The following RAP1GAP2 variants were observed in gnomAD, a reference collection of about 807,000 sequenced individuals.
The protein encoded by RAP1GAP2 is RAP1 GTPase activating protein 2.
In RAP1GAP2, 27 loss-of-function variants were observed where a neutral mutation model predicts 95.0. The observed-to-expected ratio is 0.28, with a 90% CI of 0.21 to 0.39. The LOEUF (loss-of-function observed/expected upper bound fraction) is 0.39, where lower values mean the gene tolerates loss of function less well. Ranked by LOEUF, RAP1GAP2 falls within the 10% of genes least tolerant of loss-of-function variation. The probability of loss-of-function intolerance (pLI) is 1.00; values close to 1 mark genes in which losing one functional copy is unlikely to be tolerated. For synonymous variants in RAP1GAP2, 373 were observed against 380.9 expected (o/e 0.98, Z 0.24); for missense variants, 771 against 970.0 (o/e 0.79, Z 2.72).
chr17:2,885,126 C>G (rs999647658), intron 2 of RAP1GAP2, among the ~76,000 whole-genome samples: 15 of 151,392 alleles, frequency 9.9e-5, no homozygotes, highest in Non-Finnish European at 2.9e-5. Flanking sequence ...CTCCGCCTCC[C>G]AGGTTCAAGT....
chr17:2,982,589 G>A (rs895825063), intron 10 of RAP1GAP2, among the ~76,000 whole-genome samples: 1 of 152,156 alleles, frequency 6.6e-6, no homozygotes, highest in Non-Finnish European at 1.5e-5. Flanking sequence ...AGCATCTGTT[G>A]ATACCAGGAG....
chr17:2,841,682 T>C (rs1019110498), intron 2 of RAP1GAP2, among the ~76,000 whole-genome samples: 1 of 152,124 alleles, frequency 6.6e-6, no homozygotes, highest in South Asian at 2.1e-4. Context: ...GGCAGGAAGA[T>C]GTTGAGAGTA....
intron 1 of RAP1GAP2, among the ~76,000 whole-genome samples, chr17:2,780,134 T>C (rs562115496): frequency 6.6e-6 from 1 of 152,248 alleles, no homozygotes; most frequent in African/African-American, 2.4e-5. Flanking sequence ...CACCGCAACC[T>C]CCGCCTCCTG....
chr17:2,910,430 C>CTCAG (rs1238317859), intron 3 of RAP1GAP2, among the ~76,000 whole-genome samples: 2 of 152,276 alleles, frequency 1.3e-5, no homozygotes, highest in Non-Finnish European at 2.9e-5. Context: ...CAGAGACGCC[C>CTCAG]TGGATGGAGG....
At chr17:2,822,395 G>A (rs1290045654) in intron 2 of RAP1GAP2, among the ~76,000 whole-genome samples, 1 of 152,212 alleles carries the variant, frequency 6.6e-6, no homozygotes, top group African/African-American at 2.4e-5. Flanking sequence ...GCTGAGGCCA[G>A]AGGATCACTT....
chr17:3,011,495 A>G (rs565587985), intron 17 of RAP1GAP2, among the ~76,000 whole-genome samples: 4 of 152,204 alleles, frequency 2.6e-5, no homozygotes, highest in Admixed American at 2.6e-4. Context: ...TGCTGTGTCA[A>G]CAGGACGTTG....
At chr17:2,799,275 A>G (rs538418613) in intron 1 of RAP1GAP2, among the ~76,000 whole-genome samples, 10 of 152,152 alleles carry the variant, frequency 6.6e-5, no homozygotes, top group Non-Finnish European at 1.5e-4. Flanking sequence ...CAGTAGTGGA[A>G]GCCCTAAGGA....
At chr17:2,919,314 C>T (rs946579897) in intron 3 of RAP1GAP2, among the ~76,000 whole-genome samples, 1 of 152,174 alleles carries the variant, frequency 6.6e-6, no homozygotes, top group Non-Finnish European at 1.5e-5. Flanking sequence ...AAACAGGGGT[C>T]TCCAGGGTGG....
At chr17:2,969,163 T>TTATCTATC (rs756995427) in intron 8 of RAP1GAP2, among the ~76,000 whole-genome samples, 2,378 of 146,646 alleles carry the variant, frequency 0.016, 61 homozygotes, top group African/African-American at 0.049. Context: ...ATATTTTTCT[T>TTATCTATC]TATCTATCTA....
chr17:2,939,018 A>G (rs894279956), intron 3 of RAP1GAP2, among the ~76,000 whole-genome samples: 4 of 152,316 alleles, frequency 2.6e-5, no homozygotes, highest in Admixed American at 2.6e-4. Context: ...AAAATGCTTC[A>G]GGCTGTTCCT....
At chr17:2,774,757 T>C (rs1274283208), upstream of RAP1GAP2, among the ~76,000 whole-genome samples, 1 of 150,454 alleles carries the variant, frequency 6.6e-6, no homozygotes, top group East Asian at 2.0e-4. Flanking sequence ...AGGTGTGAGC[T>C]ACCATGCCCA....
intron 9 of RAP1GAP2, 59 bp from the exon 10 acceptor site, chr17:2,981,136 G>A (rs2151537011): frequency 8.6e-6 from 13 of 1,516,022 alleles, no homozygotes; most frequent in Middle Eastern, 1.7e-4. Flanking sequence ...GTGGGCAGAG[G>A]AGCCCAGATG....
intron 3 of RAP1GAP2, among the ~76,000 whole-genome samples, chr17:2,941,129 C>T (rs1296033746): frequency 1.3e-5 from 2 of 152,178 alleles, no homozygotes; most frequent in African/African-American, 4.8e-5. Context: ...GGGCCGGGAA[C>T]GGTGGCTCAC....
intron 2 of RAP1GAP2, among the ~76,000 whole-genome samples, chr17:2,832,426 C>T (rs531440271): frequency 2.0e-4 from 29 of 146,730 alleles, no homozygotes; most frequent in African/African-American, 4.0e-4. Flanking sequence ...GGTGTTGTGG[C>T]GGGCACCTGT....
At chr17:3,025,696 G>T (rs951079924) in intron 19 of RAP1GAP2, among the ~76,000 whole-genome samples, 1 of 152,184 alleles carries the variant, frequency 6.6e-6, no homozygotes, top group African/African-American at 2.4e-5. Context: ...CCACAACTCC[G>T]CCAGGTGTGA....
In RAP1GAP2 at chr17:2,790,785, C is replaced by G. The variant is rs367622025; in HGVS notation, c.-13-9730C>G. ...CTCGAGCAGAGGAAACCACATTGTC[C>G]CTTCCTCCCGTCCTGCCCCGAGGGC... On this transcript the variant is annotated intron_variant, in intron 1 of 24. Coordinates refer to the RAP1GAP2 transcript ENST00000540393. Among the ~76,000 whole-genome samples the G allele has an allele frequency of 3.0e-3, 457 of 152,342 alleles. 3 individuals carry two copies. The highest frequency in any genetic ancestry group is 0.01 in the African/African-American group (430 of 41,580).
At chr17:2,833,708 A>AG in intron 2 of RAP1GAP2, among the ~76,000 whole-genome samples, 1 of 151,134 alleles carries the variant, frequency 6.6e-6, no homozygotes, top group East Asian at 1.9e-4. Context: ...AAAAAAAAAA[A>AG]AAAGAAAAGT....
intron 2 of RAP1GAP2, among the ~76,000 whole-genome samples, chr17:2,823,474 T>TC (rs1418808070): frequency 1.3e-5 from 2 of 152,210 alleles, no homozygotes; most frequent in Admixed American, 6.5e-5. Flanking sequence ...GCCTTTGTCT[T>TC]CCTCTGGGCA....
At chr17:3,013,541 C>A (rs976563409) in intron 17 of RAP1GAP2, among the ~76,000 whole-genome samples, 8 of 152,054 alleles carry the variant, frequency 5.3e-5, no homozygotes, top group Non-Finnish European at 1.2e-4. Flanking sequence ...CTCACACTTA[C>A]CTTGCTGACT....
Sources: gnomAD v4.1 joint callset for allele counts (sites outside exome capture counted in the v4.1 genomes callset) on GRCh38, gnomAD v4.1.1 for gene constraint, MANE v1.5 for transcripts, NCBI Gene and HGNC (gene_info 2026-07-23, HGNC 2026-07-21) for gene names.